The following GSTM5 variants were observed in gnomAD, a reference collection of about 807,000 sequenced individuals.
GSTM5 encodes the protein glutathione S-transferase mu 5.
Under a neutral mutation model 29.0 loss-of-function variants are expected in GSTM5, and 24 were observed. The observed-to-expected ratio is 0.83, with a 90% CI of 0.60 to 1.16. The LOEUF is 1.16. Ranked by LOEUF, GSTM5 falls within the 50% of genes most tolerant of loss-of-function variation. The pLI is 0.00. For missense variants in GSTM5, 290 were observed against 263.0 expected, an observed-to-expected ratio of 1.10 and a Z score of -0.71; for synonymous variants, 91 against 93.6, an observed-to-expected ratio of 0.97 and a Z score of 0.16.
chr1:109,715,902 T>C, intron 7 of GSTM5: 1 of 699,772 alleles, frequency 1.4e-6, no homozygotes, highest in East Asian at 4.8e-5. Flanking sequence ...TCTTTCTTCC[T>C]CTCTTTTTTT....
At chr1:109,713,915 C>T in intron 5 of GSTM5, 154 bp downstream of exon 5, 4 of 517,370 alleles carry the variant, frequency 7.7e-6, no homozygotes, top group South Asian at 7.6e-5. Flanking sequence ...GAATCTTCTC[C>T]TCTTCTGAAG....
chr1:109,713,719 T>G lies in GSTM5; in HGVS notation c.318T>G (p.Asp106Glu). The G allele has an allele frequency of 6.2e-7, 1 of 1,611,648 alleles. No individual in the cohort carries two copies. The highest frequency in any genetic ancestry group is 8.5e-7 in the Non-Finnish European group (1 of 1,179,630). ...ACATTTTGGAGAACCAGGTTATGGATAACCACATGGAGCTGGTCAGACTGT... is the reference window on the plus strand; with the variant it reads ...ACATTTTGGAGAACCAGGTTATGGAGAACCACATGGAGCTGGTCAGACTGT... ...RVDILENQVM[D>E]NHMELVRLCY... Residue 106 changes from aspartate (D) to glutamate (E), a missense_variant, in exon 5 of 8, where the codon GAT becomes GAG. Physicochemically the swap from Asp to Glu is conservative, Grantham distance 45. Transcript: ENST00000256593.
chr1:109,712,228 G>T, upstream of GSTM5: 1 of 1,439,250 alleles, frequency 6.9e-7, no homozygotes. Context: ...TCGCAGCAAG[G>T]CCCCGCCTGT....
intron 2 of GSTM5, 134 bp downstream of exon 2, chr1:109,712,827 G>A (rs778853484): frequency 2.3e-5 from 24 of 1,065,810 alleles, no homozygotes; most frequent in Non-Finnish European, 3.0e-5. Context: ...CTGAGCTCCC[G>A]TGAGTGAGCC....
chr1:109,713,590 C>CG (rs778681081), intron 4 of GSTM5, 25 bp downstream of exon 4: 6 of 1,613,936 alleles, frequency 3.7e-6, no homozygotes, highest in Non-Finnish European at 5.1e-6. Flanking sequence ...CTGCAATGTG[C>CG]GGGGGGAAGG....
intron 7 of GSTM5, chr1:109,715,664 G>A: frequency 3.5e-6 from 2 of 570,358 alleles, no homozygotes; most frequent in South Asian, 2.2e-5. Flanking sequence ...CAGGACCACG[G>A]ATGCAGCTGG....
At chr1:109,714,742 G>T in intron 5 of GSTM5, 1 of 614,562 alleles carries the variant, frequency 1.6e-6, no homozygotes, top group Non-Finnish European at 2.9e-6. Context: ...ATCTCATTCT[G>T]ATCACTTCAG....
At chr1:109,715,574 T>C in intron 7 of GSTM5, 1 of 1,301,010 alleles carries the variant, frequency 7.7e-7, no homozygotes, top group South Asian at 1.6e-5. Flanking sequence ...GCTCTCCCAT[T>C]TGTGACAAAA....
At chr1:109,713,214 G>C (rs1305889776) in intron 3 of GSTM5, 31 bp downstream of exon 3, 1 of 1,611,468 alleles carries the variant, frequency 6.2e-7, no homozygotes, top group East Asian at 2.2e-5. Context: ...GGTTTTGGGG[G>C]AAAGTGCGAC....
chr1:109,712,839 T>A, intron 2 of GSTM5, 146 bp downstream of exon 2: 1 of 1,009,502 alleles, frequency 9.9e-7, no homozygotes, highest in Non-Finnish European at 1.6e-6. Flanking sequence ...GAGTGAGCCC[T>A]CTGGCCTTGC....
intron 7 of GSTM5, 197 bp from the exon 8 acceptor site, chr1:109,717,140 T>C: frequency 2.7e-6 from 1 of 364,068 alleles, no homozygotes; most frequent in Non-Finnish European, 4.9e-6. Flanking sequence ...GCTGTTATTA[T>C]GGTATAACAT....
rs755755142 is a variant in GSTM5, at chr1:109,713,421, G to A, written c.178-63G>A. ...TGGTCTCCTCTCTGCCCTTGCATAT[G>A]GGAAGGGGATGCTGGGGAGCCTGGT... On this transcript the variant is annotated intron_variant, in intron 3 of 7. Coordinates refer to ENST00000256593, the MANE Select transcript of GSTM5 (RefSeq NM_000851.4). 14 of 1,606,488 alleles carry A rather than the reference G, an allele frequency of 8.7e-6. No homozygotes were observed. The East Asian group carries it at 2.9e-4, about 33-fold the overall frequency.
chr1:109,713,650 G>C lies in GSTM5; in HGVS notation c.260-11G>C, dbSNP rs772817910. On this transcript the variant is annotated splice_polypyrimidine_tract_variant and intron_variant, in intron 4 of 7. Transcript: ENST00000256593. ...GATGCTGAGATTGAGTCTGTGTTTT[G>C]TGGGTGGCAGGTGGGGAGACAGAAG... The C allele has an allele frequency of 6.2e-7, 1 of 1,614,092 alleles. No homozygotes were observed. The highest frequency in any genetic ancestry group is 8.5e-7 in the Non-Finnish European group (1 of 1,180,040).
At position 109,717,646 on chromosome 1, in the gene GSTM5, C is replaced by A. The variant is rs1265593145; in HGVS notation, c.*220C>A. On this transcript the variant is annotated 3_prime_UTR_variant, in exon 8 of 8. Coordinates refer to ENST00000256593, the MANE Select transcript of GSTM5 (RefSeq NM_000851.4). Reference sequence around the variant, plus strand: ...CCCACTGTCCTCCATCAAAGTCCCCCTCCTAACGTCTTCCTTTCCCTGCAC... The same window carrying A: ...CCCACTGTCCTCCATCAAAGTCCCCATCCTAACGTCTTCCTTTCCCTGCAC... 5 of 502,816 alleles carry A rather than the reference C, an allele frequency of 9.9e-6. No individual in the cohort carries two copies. The highest frequency in any genetic ancestry group is 3.9e-5 in the African/African-American group (2 of 51,486). 31.1% of individuals were successfully genotyped at this position (502,816 alleles called of 1,614,324 possible).
chr1:109,715,873 G>C (rs1387918169), intron 7 of GSTM5: 3 of 547,332 alleles, frequency 5.5e-6, no homozygotes, highest in Non-Finnish European at 9.9e-6. Flanking sequence ...GCTCTGTGCT[G>C]GGGCACTCTC....
intron 7 of GSTM5, chr1:109,716,816 TC>T (rs974242164): frequency 6.5e-6 from 1 of 154,706 alleles, no homozygotes; most frequent in African/African-American, 2.4e-5. Context: ...GCCAAGAACC[TC>T]CCTGTGAAAA....
In GSTM5 at chr1:109,714,944, C is replaced by G; in HGVS notation, c.361-3C>G. 6.2e-7 allele frequency: 1 copy of G among 1,614,232 alleles called. No homozygotes were observed. Among genetic ancestry groups the G allele is most frequent in the Non-Finnish European group, 8.5e-7 (1 of 1,180,022 alleles). On this transcript the variant is annotated splice_polypyrimidine_tract_variant and splice_region_variant and intron_variant, in intron 5 of 7. Coordinates refer to ENST00000256593, the MANE Select transcript of GSTM5 (RefSeq NM_000851.4). ...GGGTGGTGACAGCTGTTTTCTGCCT[C>G]AGGAGAAACTGAAGCCAAAATACTT...
chr1:109,714,743 A>G, intron 5 of GSTM5: 1 of 615,926 alleles, frequency 1.6e-6, no homozygotes, highest in Non-Finnish European at 2.9e-6. Flanking sequence ...TCTCATTCTG[A>G]TCACTTCAGA....
At chr1:109,712,545 G>T (rs12736389) in intron 1 of GSTM5, 73 bp from the exon 2 acceptor site, 2 of 1,546,420 alleles carry the variant, frequency 1.3e-6, no homozygotes, top group African/African-American at 1.4e-5. Flanking sequence ...ACTAGGGGCT[G>T]GCCTGGTGCA....
Sources: gnomAD v4.1 joint callset for allele counts on GRCh38, gnomAD v4.1.1 for gene constraint, MANE v1.5 for transcripts, NCBI Gene and HGNC (gene_info 2026-07-23, HGNC 2026-07-21) for gene names.